The following ALG12 variants were observed in gnomAD, a reference collection of about 807,000 sequenced individuals.
ALG12 encodes ALG12 alpha-1,6-mannosyltransferase.
A neutral mutation model predicts 46.0 loss-of-function variants in ALG12; 36 were observed. That is an observed-to-expected ratio of 0.78 (90% confidence interval 0.60 to 1.03). ALG12 has a LOEUF of 1.03. Ranked by LOEUF, ALG12 falls within the 50% of genes least tolerant of loss-of-function variation. ALG12 has a pLI of 0.00. For synonymous variants in ALG12, 326 were observed against 291.6 expected (o/e 1.12, Z -1.20); for missense variants, 599 against 633.5 (o/e 0.95, Z 0.58).
the ALG12 span, chr22:49,885,104 G>T: frequency 6.2e-7 from 1 of 1,613,942 alleles, no homozygotes; most frequent in Admixed American, 1.7e-5. Context: ...CGGTACTGCG[G>T]CTGTGCCATC....
chr22:49,885,512 C>T, the ALG12 span: 103 of 1,609,964 alleles, frequency 6.4e-5, no homozygotes, highest in Non-Finnish European at 8.0e-5. Flanking sequence ...ACTGAGGTCT[C>T]GGAGACGGCT....
At chr22:49,871,757 AT>A in the ALG12 span, among the ~76,000 whole-genome samples, 14,676 of 62,104 alleles carry the variant, frequency 0.24, 2,139 homozygotes, top group African/African-American at 0.39. Context: ...TTATTTATTT[AT>A]TTTTTTTTTT....
chr22:49,909,421 A>C, intron 5 of ALG12, 74 bp from the exon 6 acceptor site: 1 of 1,418,812 alleles, frequency 7.0e-7, no homozygotes, highest in Non-Finnish European at 9.9e-7. Flanking sequence ...TGCAGCCCCC[A>C]TCACTACAGA....
intron 7 of ALG12, 49 bp downstream of exon 7, chr22:49,907,672 C>A (rs774723547): frequency 1.3e-6 from 2 of 1,574,624 alleles, no homozygotes; most frequent in South Asian, 2.2e-5. Context: ...ATCAGTGAAC[C>A]TGTTTCCAAT....
At chr22:49,886,446 G>A in the ALG12 span, 1 of 1,577,234 alleles carries the variant, frequency 6.3e-7, no homozygotes, top group Non-Finnish European at 8.6e-7. This position sits in a 1 kb window ranked among gnomAD's most constrained non-coding sequence, Gnocchi z 7.7. Context: ...ACCAGTGGGA[G>A]GTCATGCAGT....
At chr22:49,878,080 G>C in the ALG12 span, among the ~76,000 whole-genome samples, 9 of 151,946 alleles carry the variant, frequency 5.9e-5, 1 homozygote, top group Admixed American at 5.9e-4. Context: ...CGAGATGGGC[G>C]GATCACCTGA....
At chr22:49,862,693 C>CT in the ALG12 span, among the ~76,000 whole-genome samples, 4,716 of 59,024 alleles carry the variant, frequency 0.08, 795 homozygotes, top group African/African-American at 0.2. Context: ...TAAGTTTTTC[C>CT]TTTTTTTTTT....
chr22:49,880,475 A>G, the ALG12 span, among the ~76,000 whole-genome samples: 2 of 152,190 alleles, frequency 1.3e-5, no homozygotes, highest in African/African-American at 4.8e-5. Flanking sequence ...GAAGCCTGGA[A>G]GCCCCGCCGT....
At chr22:49,917,325 T>C (rs1375192970) in intron 1 of ALG12, among the ~76,000 whole-genome samples, 1 of 152,218 alleles carries the variant, frequency 6.6e-6, no homozygotes, top group Non-Finnish European at 1.5e-5. Flanking sequence ...GGGAATGACC[T>C]GCAAAGACCC....
At chr22:49,862,037 G>A in the ALG12 span, among the ~76,000 whole-genome samples, 1 of 152,210 alleles carries the variant, frequency 6.6e-6, no homozygotes, top group African/African-American at 2.4e-5. Flanking sequence ...TGCCAGGATG[G>A]TAGGGTGAGA....
intron 1 of ALG12, among the ~76,000 whole-genome samples, chr22:49,914,258 G>C (rs1483128427): frequency 2.0e-5 from 3 of 152,254 alleles, no homozygotes; most frequent in Non-Finnish European, 4.4e-5. Context: ...AGTTAGCTGG[G>C]TGGGAGGCAC....
At chr22:49,917,344 C>T (rs1267752843) in intron 1 of ALG12, among the ~76,000 whole-genome samples, 1 of 152,212 alleles carries the variant, frequency 6.6e-6, no homozygotes, top group Non-Finnish European at 1.5e-5. Flanking sequence ...CCTCTTGTCC[C>T]CATCAATCCA....
chr22:49,874,757 G>A, the ALG12 span, among the ~76,000 whole-genome samples: 1 of 126,572 alleles, frequency 7.9e-6, no homozygotes, highest in Non-Finnish European at 1.6e-5. Context: ...TCAGCTCACT[G>A]CACCTCGACC....
intron 6 of ALG12, among the ~76,000 whole-genome samples, chr22:49,908,397 A>T (rs58362363): frequency 7.1e-6 from 1 of 140,154 alleles, no homozygotes; most frequent in East Asian, 2.0e-4. Flanking sequence ...GCATGGTGGC[A>T]TGTGCCTGTA....
the ALG12 span, among the ~76,000 whole-genome samples, chr22:49,874,613 T>TCCAGCTGCCTTGGCCTC: frequency 6.8e-6 from 1 of 146,456 alleles, no homozygotes; most frequent in Non-Finnish European, 1.5e-5. Context: ...GACCTCGTGA[T>TCCAGCTGCCTTGGCCTC]CCAGCTGCCT....
At chr22:49,884,080 G>A in the ALG12 span, 1 of 1,611,842 alleles carries the variant, frequency 6.2e-7, no homozygotes, top group Non-Finnish European at 8.5e-7. Flanking sequence ...CATGTACTGT[G>A]TGAAGGAGTT....
the ALG12 span, chr22:49,886,843 G>C: frequency 6.2e-7 from 1 of 1,614,092 alleles, no homozygotes; most frequent in South Asian, 1.1e-5. The surrounding 1 kb of genome is among the most constrained non-coding windows in gnomAD (Gnocchi z 7.7). Flanking sequence ...CTCTGCCGCA[G>C]AGGAGAACCT....
At chr22:49,913,061 G>A (rs1375795853) in intron 3 of ALG12, among the ~76,000 whole-genome samples, 2 of 152,232 alleles carry the variant, frequency 1.3e-5, no homozygotes, top group Non-Finnish European at 2.9e-5. Flanking sequence ...CAGGAATAAA[G>A]GCTGTTGACC....
the ALG12 span, among the ~76,000 whole-genome samples, chr22:49,861,159 A>T: frequency 5.2e-3 from 792 of 152,252 alleles, 3 homozygotes; most frequent in African/African-American, 0.018. Context: ...GTCTTTCACA[A>T]AAGTTAGCAT....
Sources: allele counts gnomAD v4.1 joint callset (sites outside exome capture counted in the v4.1 genomes callset), GRCh38; gene constraint gnomAD v4.1.1; non-coding constraint Gnocchi (gnomAD v3.1); transcripts MANE v1.5; gene names NCBI Gene and HGNC (gene_info 2026-07-23, HGNC 2026-07-21).